TOR1AIP1: variants seen among roughly 807,000 people sequenced by gnomAD.
TOR1AIP1 encodes the protein torsin-1A-interacting protein 1.
Under a neutral mutation model 63.3 loss-of-function variants are expected in TOR1AIP1, and 54 were observed. That is an observed-to-expected ratio of 0.85 (90% CI 0.69 to 1.07). The LOEUF (loss-of-function observed/expected upper bound fraction) is 1.07, where lower values mean the gene tolerates loss of function less well. Ranked by LOEUF, TOR1AIP1 falls within the 50% of genes least tolerant of loss-of-function variation. The pLI, the probability that TOR1AIP1 is intolerant of heterozygous loss-of-function variation, is 0.00. For missense variants in TOR1AIP1, 736 were observed against 715.0 expected, an observed-to-expected ratio of 1.03 and a Z score of -0.33; for synonymous variants, 294 against 273.5, an observed-to-expected ratio of 1.07 and a Z score of -0.74.
chr1:179,900,241 T>C, intron 4 of TOR1AIP1, 74 bp downstream of exon 4: 1 of 1,098,646 alleles, frequency 9.1e-7, no homozygotes, highest in South Asian at 1.4e-5. Flanking sequence ...TTCTGATAGA[T>C]ATTTAAGAAG....
intron 3 of TOR1AIP1, among the ~76,000 whole-genome samples, chr1:179,889,895 C>T (rs773764674): frequency 3.3e-5 from 5 of 152,112 alleles, no homozygotes; most frequent in Admixed American, 6.5e-5. Context: ...AGTGATCCAC[C>T]CACCTCAGCC....
intron 3 of TOR1AIP1, among the ~76,000 whole-genome samples, chr1:179,890,327 A>G (rs1485284334): frequency 6.6e-6 from 1 of 152,202 alleles, no homozygotes; most frequent in African/African-American, 2.4e-5. Context: ...CATGGGAACT[A>G]AAAAGGAAAT....
At chr1:179,912,002 CTTTTTTTTCTTT>C (rs758607290) in intron 8 of TOR1AIP1, among the ~76,000 whole-genome samples, 1 of 127,988 alleles carries the variant, frequency 7.8e-6, no homozygotes, top group African/African-American at 2.9e-5. Context: ...TTTCTTTTTT[CTTTTTTTTCTTT>C]TTTTTTTCTT....
rs141266072 is a variant in TOR1AIP1 at position 179,919,059 on chromosome 1, T to C, written c.*820T>C. 6.6e-6 allele frequency: 1 copy of C among 152,196 alleles called. No individual in the cohort carries two copies. The highest frequency in any genetic ancestry group is 1.9e-4 in the East Asian group (1 of 5,184). 9.4% of individuals were successfully genotyped at this position (152,196 alleles called of 1,614,324 possible). The stretch of plus-strand genomic sequence containing the variant: ...CAGGTGGATCACCTGAGGTCAGAAG[T>C]TCAAGACCAGCCTGGCCAACATGGT... On this transcript the variant is annotated 3_prime_UTR_variant, in exon 10 of 10. Coordinates refer to ENST00000606911, the MANE Select transcript of TOR1AIP1 (RefSeq NM_015602.4).
At chr1:179,889,516 G>T in intron 3 of TOR1AIP1, 147 bp downstream of exon 3, 1 of 533,378 alleles carries the variant, frequency 1.9e-6, no homozygotes, top group East Asian at 3.2e-5. Flanking sequence ...CTGTCATTCA[G>T]CCAGCCAGTC....
At chr1:179,913,886 C>G in intron 8 of TOR1AIP1, 112 bp from the exon 9 acceptor site, 2 of 994,910 alleles carry the variant, frequency 2.0e-6, no homozygotes, top group Non-Finnish European at 3.0e-6. Context: ...TCTGGCTGAT[C>G]TCTGTCTTCT....
rs1397969818 is a variant in TOR1AIP1, at chr1:179,907,878, T to C, written c.838+14T>C. On this transcript the variant is annotated intron_variant, in intron 7 of 9. Transcript: ENST00000606911. ...CTTCAGTGCTAAGTAAGTAGTTGGT[T>C]GTCTGCTCTTTTTTCAGCCAATCAA... 6.5e-7 allele frequency: 1 copy of C among 1,532,256 alleles called. No individual in the cohort carries two copies. Among genetic ancestry groups the C allele is most frequent in the Non-Finnish European group, 8.8e-7 (1 of 1,131,078 alleles). 94.9% of individuals were successfully genotyped at this position (1,532,256 alleles called of 1,614,324 possible). A position where few individuals can be genotyped will look rare whatever the true frequency, so the allele number is the denominator to read the frequency against.
At chr1:179,899,864 C>G (rs1648394045) in intron 3 of TOR1AIP1, among the ~76,000 whole-genome samples, 1 of 152,184 alleles carries the variant, frequency 6.6e-6, no homozygotes, top group Admixed American at 6.5e-5. Context: ...AGGCTGGTCT[C>G]AAACTCCTGA....
intron 3 of TOR1AIP1, among the ~76,000 whole-genome samples, chr1:179,889,842 G>T (rs569230301): frequency 1.2e-4 from 18 of 152,026 alleles, no homozygotes; most frequent in African/African-American, 4.3e-4. Context: ...TTGTAGAGAT[G>T]GGGTTTTGCC....
chr1:179,882,783 C>G lies in TOR1AIP1; in HGVS notation c.281C>G (p.Ser94Cys), dbSNP rs780616161. Residue 94 changes from serine (S) to cysteine (C), a missense_variant, in exon 1 of 10, where the codon TCT becomes TGT. Ser to Cys is a moderately radical substitution (Grantham distance 112). Coordinates refer to ENST00000606911, the MANE Select transcript of TOR1AIP1 (RefSeq NM_015602.4). Reference sequence around the variant, plus strand: ...CGGCTAGAAGAGTTCCGGTCCGATTCTGCGAAAGAGGAAGTGAGAGAAAGC... The same window carrying G: ...CGGCTAGAAGAGTTCCGGTCCGATTGTGCGAAAGAGGAAGTGAGAGAAAGC... ...RTRLEEFRSD[S>C]AKEEVRESAY... 269 of 1,614,096 alleles carry G rather than the reference C, an allele frequency of 1.7e-4. No individual in the cohort carries two copies. The highest frequency in any genetic ancestry group is 2.3e-4 in the Non-Finnish European group (266 of 1,180,040).
chr1:179,914,958 A>T (rs1386822885), intron 9 of TOR1AIP1, among the ~76,000 whole-genome samples: 1 of 152,190 alleles, frequency 6.6e-6, no homozygotes. Context: ...AACATTTTTT[A>T]AAATATGTAT....
At position 179,901,391 on chromosome 1, in the gene TOR1AIP1, A is replaced by C. The variant is rs542003995; in HGVS notation, c.739+3A>C. The C allele has an allele frequency of 1.3e-6, 2 of 1,589,732 alleles. 1 individual carries two copies. Among genetic ancestry groups the C allele is most frequent in the African/African-American group, 2.7e-5 (2 of 74,448 alleles). On this transcript the variant is annotated splice_donor_region_variant and intron_variant, in intron 5 of 9. Transcript: ENST00000606911. Reference sequence around the variant, plus strand: ...CAGGGATTCTGATGAATCTGGAGGTAATATTGCTTTATATACATATGACTC... The same window carrying C: ...CAGGGATTCTGATGAATCTGGAGGTCATATTGCTTTATATACATATGACTC...
intron 9 of TOR1AIP1, 74 bp from the exon 10 acceptor site, chr1:179,917,378 G>C: frequency 7.8e-7 from 1 of 1,275,186 alleles, no homozygotes; most frequent in Non-Finnish European, 1.1e-6. Context: ...GACTGATATT[G>C]ATTTTAAAAG....
intron 8 of TOR1AIP1, among the ~76,000 whole-genome samples, chr1:179,909,385 TTTG>T (rs1049043649): frequency 5.1e-3 from 2 of 394 alleles, no homozygotes; most frequent in Non-Finnish European, 8.1e-3. Flanking sequence ...TTTTCTGTTT[TTTG>T]TTTTGTTTTG....
At chr1:179,900,474 G>T (rs1648420924) in intron 4 of TOR1AIP1, 1 of 190,246 alleles carries the variant, frequency 5.3e-6, no homozygotes, top group Admixed American at 5.9e-5. Flanking sequence ...AAACGGACCA[G>T]GTCAAAACTC....
At chr1:179,903,697 C>T (rs1648535701) in intron 5 of TOR1AIP1, among the ~76,000 whole-genome samples, 1 of 151,964 alleles carries the variant, frequency 6.6e-6, no homozygotes, top group Non-Finnish European at 1.5e-5. Context: ...TTAGTGGAGA[C>T]GGGGTTTCAC....
chr1:179,884,761 A>G lies in TOR1AIP1; in HGVS notation c.545A>G (p.Glu182Gly). The G allele has an allele frequency of 6.2e-7, 1 of 1,608,624 alleles. No individual in the cohort carries two copies. The highest frequency in any genetic ancestry group is 8.5e-7 in the Non-Finnish European group (1 of 1,178,440). The change falls in exon 2 of 10, where the codon GAG becomes GGG. Residue 182 changes from glutamate (E) to glycine (G), a missense_variant. This residue lies in a region of TOR1AIP1 where 464 missense variants were observed against 371.0 expected (regional missense o/e 1.25). Coordinates refer to ENST00000606911, the MANE Select transcript of TOR1AIP1 (RefSeq NM_015602.4). ...AAGAAAACTGTCAGGAGCATACAAGAGGCTCCAGGTAAGAATAGTTAACTT... is the reference window on the plus strand; with the variant it reads ...AAGAAAACTGTCAGGAGCATACAAGGGGCTCCAGGTAAGAATAGTTAACTT... ...ISKKTVRSIQ[E>G]APVSEDLVIR... is the part of the protein sequence containing the mutation.
In TOR1AIP1 at chr1:179,883,060, C is replaced by T. The variant is rs753586767; in HGVS notation, c.475+83C>T. 8 of 1,243,340 alleles carry T rather than the reference C, an allele frequency of 6.4e-6. No homozygotes were observed. In the South Asian group the frequency reaches 9.1e-5, roughly 14 times the overall value. The allele number at this position is 1,243,340 out of a possible 1,614,324, so 77.0% of individuals were successfully genotyped here. The stretch of plus-strand genomic sequence containing the variant: ...CGCGCGCCTCGGTGGAGCTCATGCC[C>T]GCCTGGGTACTAAGTACTGGGATTG... On this transcript the variant is annotated intron_variant, in intron 1 of 9. Coordinates refer to ENST00000606911, the MANE Select transcript of TOR1AIP1 (RefSeq NM_015602.4).
chr1:179,882,623 G>C lies in TOR1AIP1; in HGVS notation c.121G>C (p.Asp41His), dbSNP rs548996424. The stretch of plus-strand genomic sequence containing the variant: ...CGCCCCTCAAAATGGCGGCAGCAGC[G>C]ATGCGCCTGCGTACAGAACTCCTCC... Reference protein sequence around the residue: ...RLAPQNGGSSDAPAYRTPPSR... With the variant: ...RLAPQNGGSSHAPAYRTPPSR... Residue 41 changes from aspartate to histidine, a missense_variant, in exon 1 of 10, where the codon GAT becomes CAT. Physicochemically the swap from Asp to His is moderately conservative, Grantham distance 81 (BLOSUM62 -1). Transcript: ENST00000606911. 6.5e-6 allele frequency: 10 copies of C among 1,531,872 alleles called. No homozygotes were observed. In the Admixed American group the frequency reaches 1.9e-4, roughly 30 times the overall value. The allele number at this position is 1,531,872 out of a possible 1,614,324, so 94.9% of individuals were successfully genotyped here.
Sources: allele counts gnomAD v4.1 joint callset (sites outside exome capture counted in the v4.1 genomes callset), GRCh38; gene constraint gnomAD v4.1.1; regional missense constraint gnomAD v4.1.1; transcripts MANE v1.5; gene names NCBI Gene and HGNC (gene_info 2026-07-23, HGNC 2026-07-21).